Variants in COL8A1 observed in about 807,000 individuals in gnomAD.
COL8A1 encodes the protein collagen type VIII alpha 1 chain.
Under a neutral mutation model 42.7 loss-of-function variants are expected in COL8A1, and 21 were observed. That is an observed-to-expected ratio of 0.49 (90% CI 0.35 to 0.71). COL8A1 has a LOEUF of 0.71. COL8A1 is among the 30% of genes least tolerant of loss of function. The probability of loss-of-function intolerance (pLI) is 0.01; values close to 1 mark genes in which losing one functional copy is unlikely to be tolerated. For synonymous variants in COL8A1, 367 were observed against 369.1 expected (o/e 0.99, Z 0.06); for missense variants, 788 against 962.4 (o/e 0.82, Z 2.40).
At chr3:99,752,736 G>A (rs1234249049) in intron 2 of COL8A1, among the ~76,000 whole-genome samples, 1 of 148,928 alleles carries the variant, frequency 6.7e-6, no homozygotes, top group Non-Finnish European at 1.5e-5. Flanking sequence ...ACACACTCTG[G>A]ACTACAGTGA....
rs1188075788 is a variant in COL8A1 at position 99,794,803 on chromosome 3, T to C, written c.902T>C (p.Ile301Thr). 10 of 1,610,778 alleles carry C rather than the reference T, an allele frequency of 6.2e-6. No individual in the cohort carries two copies. Among genetic ancestry groups the C allele is most frequent in the Non-Finnish European group, 5.1e-6 (6 of 1,178,608 alleles). Residue 301 changes from isoleucine (I) to threonine (T), a missense_variant, in exon 4 of 4, where the codon ATT becomes ACT. Transcript: ENST00000652472. This position sits in a 1 kb window ranked among gnomAD's most constrained non-coding sequence, Gnocchi z 4.3. ...GGAGAACCTGGGCCACAAGGCCCTA[T>C]TGGGGTACCGGGGGTTCAAGGACCT... ...APGEPGPQGPIGVPGVQGPPG... is the reference protein window; with the variant it reads ...APGEPGPQGPTGVPGVQGPPG...
At chr3:99,643,796 T>C (rs1328912670) in intron 1 of COL8A1, among the ~76,000 whole-genome samples, 1 of 152,194 alleles carries the variant, frequency 6.6e-6, no homozygotes, top group Non-Finnish European at 1.5e-5. Flanking sequence ...CAATATTCAT[T>C]TGAGAGAACA....
At chr3:99,720,798 G>T (rs774073895) in intron 1 of COL8A1, among the ~76,000 whole-genome samples, 14 of 152,122 alleles carry the variant, frequency 9.2e-5, no homozygotes, top group Non-Finnish European at 1.9e-4. Context: ...CTGGATTAGA[G>T]ATTAAGAAAA....
chr3:99,704,266 C>G (rs1463385631), intron 1 of COL8A1, among the ~76,000 whole-genome samples: 1 of 151,894 alleles, frequency 6.6e-6, no homozygotes, highest in Non-Finnish European at 1.5e-5. Context: ...CAACAGATAA[C>G]CAAGAAACAA....
intron 2 of COL8A1, among the ~76,000 whole-genome samples, chr3:99,787,394 G>C (rs1054789083): frequency 1.3e-5 from 2 of 152,124 alleles, no homozygotes; most frequent in African/African-American, 4.8e-5. Flanking sequence ...TTTTTAACAA[G>C]TGCATTTTAA....
intron 2 of COL8A1, among the ~76,000 whole-genome samples, chr3:99,750,495 C>T (rs563976044): frequency 2.6e-5 from 4 of 152,132 alleles, no homozygotes; most frequent in African/African-American, 7.2e-5. Context: ...ACATATATTG[C>T]TTTTATAATT....
chr3:99,754,512 T>A (rs1181374807), intron 2 of COL8A1, among the ~76,000 whole-genome samples: 1 of 152,074 alleles, frequency 6.6e-6, no homozygotes, highest in Non-Finnish European at 1.5e-5. Flanking sequence ...CGTCCATAAG[T>A]GCTAGCAGTA....
intron 2 of COL8A1, among the ~76,000 whole-genome samples, chr3:99,788,800 A>G (rs188183016): frequency 7.7e-4 from 117 of 152,356 alleles, no homozygotes; most frequent in African/African-American, 2.6e-3. Context: ...GATGTATATG[A>G]TATGTGCATA....
At chr3:99,682,981 G>C (rs1045905744) in intron 1 of COL8A1, among the ~76,000 whole-genome samples, 1 of 152,156 alleles carries the variant, frequency 6.6e-6, no homozygotes, top group African/African-American at 2.4e-5. Flanking sequence ...AAATAGAATA[G>C]AGAATCATTA....
rs1942137730 is a variant in COL8A1 at position 99,798,306 on chromosome 3, T to G, written c.*2170T>G. On this transcript the variant is annotated 3_prime_UTR_variant, in exon 4 of 4. Transcript: ENST00000652472. Reference sequence around the variant, plus strand: ...AAAGATGTCCTCCACAACCTTTGTTTTCAAAGCAGACAGCATCTATGTGGC... The same window carrying G: ...AAAGATGTCCTCCACAACCTTTGTTGTCAAAGCAGACAGCATCTATGTGGC... 1 of 152,230 alleles carries G rather than the reference T, an allele frequency of 6.6e-6. No homozygotes were observed. The highest frequency in any genetic ancestry group is 1.9e-4 in the East Asian group (1 of 5,196). 9.4% of individuals were successfully genotyped at this position (152,230 alleles called of 1,614,324 possible). A position where few individuals can be genotyped will look rare whatever the true frequency, so the allele number is the denominator to read the frequency against.
rs1247266939 is a variant in COL8A1 at position 99,794,034 on chromosome 3, G to A, written c.329-196G>A. On this transcript the variant is annotated intron_variant, in intron 3 of 3. Coordinates refer to ENST00000652472, the MANE Select transcript of COL8A1 (RefSeq NM_020351.4). The surrounding 1 kb of genome is among the most constrained non-coding windows in gnomAD (Gnocchi z 4.3). Reference sequence around the variant, plus strand: ...CCCAAAGTTGTAGGATTACAGGCACGAGCCACCATGCCAGGCCTGATTTTT... The same window carrying A: ...CCCAAAGTTGTAGGATTACAGGCACAAGCCACCATGCCAGGCCTGATTTTT... Among the ~76,000 whole-genome samples, 2 of 152,306 alleles carry A rather than the reference G, an allele frequency of 1.3e-5. No homozygotes were observed. Among genetic ancestry groups the A allele is most frequent in the Admixed American group, 6.5e-5 (1 of 15,300 alleles).
At chr3:99,674,520 T>C (rs933928613) in intron 1 of COL8A1, among the ~76,000 whole-genome samples, 9 of 151,844 alleles carry the variant, frequency 5.9e-5, no homozygotes, top group African/African-American at 2.2e-4. Context: ...ACATGAAAAG[T>C]CTTCCAGCCC....
chr3:99,780,460 C>G (rs1422378393), intron 2 of COL8A1, among the ~76,000 whole-genome samples: 1 of 152,156 alleles, frequency 6.6e-6, no homozygotes, highest in African/African-American at 2.4e-5. Context: ...CTAATTCACT[C>G]CCTTCATTTT....
At chr3:99,719,074 T>A (rs1360453721) in intron 1 of COL8A1, among the ~76,000 whole-genome samples, 1 of 152,124 alleles carries the variant, frequency 6.6e-6, no homozygotes, top group Non-Finnish European at 1.5e-5. Flanking sequence ...ACTTTCCTTG[T>A]CTACTAAGTA....
chr3:99,658,933 C>A (rs1938115280), intron 1 of COL8A1, among the ~76,000 whole-genome samples: 1 of 152,152 alleles, frequency 6.6e-6, no homozygotes, highest in Non-Finnish European at 1.5e-5. Flanking sequence ...CTACCTGCGT[C>A]ATGATTCCAC....
At chr3:99,674,438 C>CT (rs1338618987) in intron 1 of COL8A1, among the ~76,000 whole-genome samples, 6 of 150,244 alleles carry the variant, frequency 4.0e-5, no homozygotes, top group African/African-American at 7.4e-5. Context: ...GTATTGTCTC[C>CT]TTTTTTAAAA....
In COL8A1 at chr3:99,796,166, AAG is replaced by A. The variant is rs768371568; in HGVS notation, c.*34_*35del. On this transcript the variant is annotated 3_prime_UTR_variant, in exon 4 of 4. Coordinates refer to ENST00000652472, the MANE Select transcript of COL8A1 (RefSeq NM_020351.4). ...AAAAAAACAAAAAACAAAGAAAAGA[AAG>A]AGATTTTATAGAAGAAAATGACACA... 1.3e-5 allele frequency: 19 copies of A among 1,438,102 alleles called. No homozygotes were observed. Among genetic ancestry groups the A allele is most frequent in the Middle Eastern group, 2.2e-4 (1 of 4,626 alleles). 89.1% of individuals were successfully genotyped at this position (1,438,102 alleles called of 1,614,324 possible).
At chr3:99,685,858 C>T (rs1206439019) in intron 1 of COL8A1, among the ~76,000 whole-genome samples, 2 of 152,138 alleles carry the variant, frequency 1.3e-5, no homozygotes, top group African/African-American at 4.8e-5. Context: ...GACTACTTTA[C>T]CCATGTGAGG....
chr3:99,733,118 C>CT (rs71130093), intron 1 of COL8A1, among the ~76,000 whole-genome samples: 361 of 132,298 alleles, frequency 2.7e-3, no homozygotes, highest in African/African-American at 7.6e-3. Context: ...CAGCTTTTTT[C>CT]TTTTTTTTTT....
Sources: gnomAD v4.1 joint callset for allele counts (sites outside exome capture counted in the v4.1 genomes callset) on GRCh38, gnomAD v4.1.1 for gene constraint, Gnocchi (gnomAD v3.1) non-coding constraint, MANE v1.5 for transcripts, NCBI Gene and HGNC (gene_info 2026-07-23, HGNC 2026-07-21) for gene names.